The following MIPOL1 variants were observed in gnomAD, a reference collection of about 807,000 sequenced individuals.
MIPOL1 encodes the protein mirror-image polydactyly gene 1 protein.
In MIPOL1, 57 loss-of-function variants were observed where a neutral mutation model predicts 60.9. The observed-to-expected ratio is 0.94, with a 90% CI of 0.76 to 1.17. The LOEUF (loss-of-function observed/expected upper bound fraction) is 1.17, where lower values mean the gene tolerates loss of function less well. Ranked by LOEUF, MIPOL1 falls within the 50% of genes most tolerant of loss-of-function variation. MIPOL1 has a pLI of 0.00. For synonymous variants in MIPOL1, 179 were observed against 168.8 expected (o/e 1.06, Z -0.47); for missense variants, 551 against 511.6 (o/e 1.08, Z -0.74).
intron 11 of MIPOL1, among the ~76,000 whole-genome samples, chr14:37,493,226 G>A (rs997116619): frequency 6.6e-6 from 1 of 152,142 alleles, no homozygotes; most frequent in African/African-American, 2.4e-5. Context: ...AATTGCAAAA[G>A]TAAGCTTAAT....
chr14:37,541,260 C>G (rs1023448444), intron 12 of MIPOL1, among the ~76,000 whole-genome samples: 1 of 152,182 alleles, frequency 6.6e-6, no homozygotes, highest in Non-Finnish European at 1.5e-5. Flanking sequence ...AATATCCAGT[C>G]CCTTGCTCCT....
At chr14:37,404,629 C>T (rs960059994) in intron 10 of MIPOL1, among the ~76,000 whole-genome samples, 18 of 152,230 alleles carry the variant, frequency 1.2e-4, no homozygotes, top group Admixed American at 5.2e-4. Flanking sequence ...AATATATCAC[C>T]GTTACTTGTT....
At chr14:37,249,186 C>T (rs1488217719) in intron 3 of MIPOL1, among the ~76,000 whole-genome samples, 1 of 152,100 alleles carries the variant, frequency 6.6e-6, no homozygotes, top group East Asian at 1.9e-4. Context: ...CCTTTATGTA[C>T]ATCTTTTAAA....
intron 12 of MIPOL1, among the ~76,000 whole-genome samples, chr14:37,516,897 C>G (rs1465661557): frequency 1.3e-5 from 2 of 152,078 alleles, no homozygotes; most frequent in African/African-American, 4.8e-5. Flanking sequence ...ACTTAAAATA[C>G]AAGCTCAAAT....
intron 9 of MIPOL1, among the ~76,000 whole-genome samples, chr14:37,320,802 A>G (rs1246022437): frequency 2.0e-5 from 3 of 152,044 alleles, no homozygotes; most frequent in African/African-American, 4.8e-5. Flanking sequence ...TATTTTCTTC[A>G]TATAGATGCC....
chr14:37,215,821 A>G (rs772805556), intron 1 of MIPOL1, among the ~76,000 whole-genome samples: 12 of 152,174 alleles, frequency 7.9e-5, no homozygotes, highest in Non-Finnish European at 7.3e-5. Flanking sequence ...TAATCCAAGC[A>G]TGTTGGGAGG....
chr14:37,254,263 A>C (rs1298545815), intron 3 of MIPOL1, among the ~76,000 whole-genome samples: 1 of 151,728 alleles, frequency 6.6e-6, no homozygotes, highest in African/African-American at 2.4e-5. Flanking sequence ...GCTTGATGTG[A>C]ATGATTCTGT....
At chr14:37,457,753 G>A (rs983473150) in intron 11 of MIPOL1, among the ~76,000 whole-genome samples, 4 of 151,996 alleles carry the variant, frequency 2.6e-5, no homozygotes, top group Non-Finnish European at 4.4e-5. Flanking sequence ...ATTCCTATAT[G>A]TCCTTGTTCT....
intron 7 of MIPOL1, among the ~76,000 whole-genome samples, chr14:37,307,608 A>G (rs1478578445): frequency 1.3e-5 from 2 of 152,036 alleles, no homozygotes; most frequent in Non-Finnish European, 2.9e-5. Context: ...AATTTAGTGT[A>G]ATTATTTGTC....
chr14:37,296,027 A>G (rs1417336069), intron 7 of MIPOL1, among the ~76,000 whole-genome samples: 1 of 152,210 alleles, frequency 6.6e-6, no homozygotes, highest in Non-Finnish European at 1.5e-5. Context: ...CACCACACCT[A>G]TTCCAAAATA....
intron 12 of MIPOL1, among the ~76,000 whole-genome samples, chr14:37,514,334 G>A (rs1250522075): frequency 6.6e-6 from 1 of 152,122 alleles, no homozygotes; most frequent in East Asian, 1.9e-4. Context: ...AAAATAAGAT[G>A]TATAAAGTGA....
At chr14:37,546,578 G>A (rs1443856622) in intron 12 of MIPOL1, among the ~76,000 whole-genome samples, 3 of 152,152 alleles carry the variant, frequency 2.0e-5, no homozygotes, top group Non-Finnish European at 4.4e-5. Context: ...TTTAATATGT[G>A]ATCCTGTCAT....
intron 11 of MIPOL1, among the ~76,000 whole-genome samples, chr14:37,468,578 A>G (rs2094633188): frequency 6.6e-6 from 1 of 152,202 alleles, no homozygotes; most frequent in Non-Finnish European, 1.5e-5. Flanking sequence ...CTTGTCATCC[A>G]CTAAAACATA....
chr14:37,463,301 C>CT (rs2094561161), intron 11 of MIPOL1, among the ~76,000 whole-genome samples: 2 of 152,198 alleles, frequency 1.3e-5, no homozygotes, highest in Admixed American at 1.3e-4. Context: ...GTAACTTAAT[C>CT]ATGTCCAACC....
At chr14:37,340,835 T>A (rs1037928539) in intron 9 of MIPOL1, among the ~76,000 whole-genome samples, 1 of 152,172 alleles carries the variant, frequency 6.6e-6, no homozygotes, top group African/African-American at 2.4e-5. Flanking sequence ...GGCCTTCACA[T>A]TCACTTACTC....
At chr14:37,462,098 A>G (rs575460883) in intron 11 of MIPOL1, among the ~76,000 whole-genome samples, 1 of 152,322 alleles carries the variant, frequency 6.6e-6, no homozygotes, top group South Asian at 2.1e-4. Flanking sequence ...CCATCCCTAC[A>G]GCAGACTTCT....
intron 9 of MIPOL1, among the ~76,000 whole-genome samples, chr14:37,328,486 A>G (rs975669561): frequency 6.6e-6 from 1 of 152,178 alleles, no homozygotes; most frequent in African/African-American, 2.4e-5. Flanking sequence ...CTACTTTTGT[A>G]ACATATAATA....
At chr14:37,377,994 TATC>T (rs780437315) in intron 10 of MIPOL1, among the ~76,000 whole-genome samples, 151 of 152,184 alleles carry the variant, frequency 9.9e-4, no homozygotes, top group Admixed American at 6.2e-3. Context: ...CATAATGAGA[TATC>T]ATGTCACACC....
At chr14:37,270,016 ACGGGG>A (rs2083173735) in intron 5 of MIPOL1, among the ~76,000 whole-genome samples, 1 of 151,956 alleles carries the variant, frequency 6.6e-6, no homozygotes, top group Admixed American at 6.5e-5. Flanking sequence ...TTTAGTAGAG[ACGGGG>A]TTTCATCATG....
Sources: allele counts gnomAD v4.1 joint callset (sites outside exome capture counted in the v4.1 genomes callset), GRCh38; gene constraint gnomAD v4.1.1; transcripts MANE v1.5; gene names NCBI Gene and HGNC (gene_info 2026-07-23, HGNC 2026-07-21).